CDH4: variants seen among roughly 807,000 people sequenced by gnomAD.
CDH4 encodes the protein cadherin-4.
Under a neutral mutation model 86.0 loss-of-function variants are expected in CDH4, and 33 were observed. The ratio of observed to expected loss-of-function variants is 0.38; its 90% confidence interval spans 0.29 to 0.51. The LOEUF (loss-of-function observed/expected upper bound fraction) is 0.51, where lower values mean the gene tolerates loss of function less well. CDH4 is among the 20% of genes least tolerant of loss of function. The probability of loss-of-function intolerance (pLI) is 0.86; values close to 1 mark genes in which losing one functional copy is unlikely to be tolerated. For missense variants in CDH4, 1,114 were observed against 1,307.4 expected (o/e 0.85, Z 2.28); for synonymous variants, 555 against 549.4 (o/e 1.01, Z -0.14).
intron 2 of CDH4, among the ~76,000 whole-genome samples, chr20:61,308,179 C>T (rs1481431108): frequency 2.0e-5 from 3 of 152,172 alleles, no homozygotes; most frequent in Non-Finnish European, 4.4e-5. Flanking sequence ...TATGGCCCCA[C>T]GTGAGCCTCT....
chr20:61,858,164 T>A (rs1983126708), intron 6 of CDH4, among the ~76,000 whole-genome samples: 1 of 119,244 alleles, frequency 8.4e-6, no homozygotes, highest in Non-Finnish European at 1.8e-5. Context: ...TCTGTGTGTC[T>A]CTGTGTGTCT....
chr20:61,362,665 G>A lies in CDH4; in HGVS notation c.169+107728G>A, dbSNP rs114597920. 5.3e-3 allele frequency among the ~76,000 whole-genome samples: 800 copies of A among 152,214 alleles called. 8 individuals are homozygous for A. Among genetic ancestry groups the A allele is most frequent in the African/African-American group, 0.017 (710 of 41,538 alleles). On this transcript the variant is annotated intron_variant, in intron 2 of 15. Transcript: ENST00000614565. ...GGATGGGGGAGCAAAGGGGACTTGA[G>A]GTGAAGACACATCACAGTCCTGATG...
At chr20:61,695,950 C>T (rs59143417) in intron 2 of CDH4, among the ~76,000 whole-genome samples, 1,739 of 152,294 alleles carry the variant, frequency 0.011, 36 homozygotes, top group African/African-American at 0.039. Flanking sequence ...AGGCCTCAGG[C>T]ACCCGACCAG....
At chr20:61,426,462 G>T (rs1307692702) in intron 2 of CDH4, among the ~76,000 whole-genome samples, 2 of 152,172 alleles carry the variant, frequency 1.3e-5, no homozygotes, top group Non-Finnish European at 2.9e-5. Context: ...GTCCTGTGTG[G>T]AGGGCTGTAG....
intron 5 of CDH4, among the ~76,000 whole-genome samples, chr20:61,847,664 C>T (rs6061370): frequency 1.2e-4 from 19 of 152,332 alleles, no homozygotes; most frequent in African/African-American, 3.6e-4. Context: ...GTTTATTTGG[C>T]TCACGGTTCT....
intron 2 of CDH4, among the ~76,000 whole-genome samples, chr20:61,726,906 CAGTG>C (rs1460419984): frequency 2.0e-5 from 3 of 151,842 alleles, no homozygotes; most frequent in Non-Finnish European, 2.9e-5. Context: ...TCATCACTAT[CAGTG>C]AGATCATCAT....
At chr20:61,385,476 T>C (rs2084946021) in intron 2 of CDH4, among the ~76,000 whole-genome samples, 1 of 151,670 alleles carries the variant, frequency 6.6e-6, no homozygotes, top group Non-Finnish European at 1.5e-5. Context: ...CCTTGGATTG[T>C]GGTCTCAAGA....
At chr20:61,405,536 C>T (rs2145484403) in intron 2 of CDH4, among the ~76,000 whole-genome samples, 1 of 152,084 alleles carries the variant, frequency 6.6e-6, no homozygotes, top group Admixed American at 6.5e-5. Context: ...TACTATTAGA[C>T]GAGTTGATAT....
chr20:61,532,026 A>G (rs1285715476), intron 2 of CDH4, among the ~76,000 whole-genome samples: 3 of 152,380 alleles, frequency 2.0e-5, no homozygotes, highest in African/African-American at 7.2e-5. Context: ...CCAGTCTCAT[A>G]GAAGTGGCGC....
intron 2 of CDH4, among the ~76,000 whole-genome samples, chr20:61,500,428 G>C (rs2085692521): frequency 6.6e-6 from 1 of 152,250 alleles, no homozygotes; most frequent in Non-Finnish European, 1.5e-5. Context: ...CGGGCGTGGA[G>C]AGGGAGAGAA....
chr20:61,282,589 G>A (rs1165304389), intron 2 of CDH4, among the ~76,000 whole-genome samples: 1 of 151,194 alleles, frequency 6.6e-6, no homozygotes, highest in Non-Finnish European at 1.5e-5. Flanking sequence ...ATCTGTACTT[G>A]TACCTGCACA....
intron 4 of CDH4, among the ~76,000 whole-genome samples, chr20:61,790,774 ATC>A (rs1979141138): frequency 7.0e-6 from 1 of 143,610 alleles, no homozygotes; most frequent in East Asian, 2.1e-4. Flanking sequence ...CTATCCATTC[ATC>A]TCTCTCTCCA....
At chr20:61,481,613 T>C (rs1473629471) in intron 2 of CDH4, among the ~76,000 whole-genome samples, 1 of 152,238 alleles carries the variant, frequency 6.6e-6, no homozygotes, top group African/African-American at 2.4e-5. Flanking sequence ...GTGTGCAAGC[T>C]TTGAGGAAGC....
intron 2 of CDH4, among the ~76,000 whole-genome samples, chr20:61,661,090 G>GGGC (rs1555821317): frequency 7.1e-6 from 1 of 141,630 alleles, no homozygotes; most frequent in Admixed American, 6.9e-5. Flanking sequence ...ATGGCGGGGG[G>GGGC]GGGGGAGACA....
chr20:61,587,510 C>T (rs1016947482), intron 2 of CDH4, among the ~76,000 whole-genome samples: 9 of 152,150 alleles, frequency 5.9e-5, no homozygotes, highest in East Asian at 1.9e-4. Flanking sequence ...GTCATCCCGT[C>T]GGAAACTGCA....
intron 2 of CDH4, among the ~76,000 whole-genome samples, chr20:61,672,751 G>A (rs1018774955): frequency 1.2e-4 from 19 of 152,122 alleles, no homozygotes; most frequent in African/African-American, 4.6e-4. Flanking sequence ...GGGAGGGGTG[G>A]GAGAAGATTA....
intron 2 of CDH4, among the ~76,000 whole-genome samples, chr20:61,535,852 C>A (rs1251333177): frequency 6.6e-6 from 1 of 152,200 alleles, no homozygotes; most frequent in Non-Finnish European, 1.5e-5. Flanking sequence ...ACCCCCTGTT[C>A]CCGCTCCTGC....
At chr20:61,698,448 G>A (rs1600887047) in intron 2 of CDH4, among the ~76,000 whole-genome samples, 1 of 152,278 alleles carries the variant, frequency 6.6e-6, no homozygotes, top group Admixed American at 6.5e-5. Flanking sequence ...TTCAGGGGAA[G>A]CAAGTCAGAA....
At chr20:61,416,422 C>G (rs2085147581) in intron 2 of CDH4, among the ~76,000 whole-genome samples, 1 of 152,224 alleles carries the variant, frequency 6.6e-6, no homozygotes, top group African/African-American at 2.4e-5. Flanking sequence ...AATTTACATT[C>G]CCACAGCAGT....
Sources: allele counts gnomAD v4.1 joint callset (sites outside exome capture counted in the v4.1 genomes callset), GRCh38; gene constraint gnomAD v4.1.1; transcripts MANE v1.5; gene names NCBI Gene and HGNC (gene_info 2026-07-23, HGNC 2026-07-21).